The following ARHGAP6 variants were observed in gnomAD, a reference collection of about 807,000 sequenced individuals.
ARHGAP6 encodes Rho GTPase activating protein 6, also known as rho GTPase-activating protein 6.
Under a neutral mutation model 55.7 loss-of-function variants are expected in ARHGAP6, and 16 were observed. The observed-to-expected ratio is 0.29, with a 90% CI of 0.19 to 0.44. The LOEUF (loss-of-function observed/expected upper bound fraction) is 0.44. ARHGAP6 is among the 20% of genes least tolerant of loss of function. ARHGAP6 has a pLI of 1.00. For missense variants in ARHGAP6, 698 were observed against 808.9 expected (o/e 0.86, Z 1.66); for synonymous variants, 382 against 360.9 (o/e 1.06, Z -0.66).
intron 1 of ARHGAP6, among the ~76,000 whole-genome samples, chrX:11,310,772 C>T (rs1451644574): frequency 9.1e-6 from 1 of 110,012 alleles, no homozygotes; most frequent in African/African-American, 3.5e-5. Context: ...CATTCAGACC[C>T]TTCTTCTCAG....
intron 1 of ARHGAP6, among the ~76,000 whole-genome samples, chrX:11,311,247 T>C (rs1422576990): frequency 8.9e-6 from 1 of 112,310 alleles, no homozygotes; most frequent in Non-Finnish European, 1.9e-5. Context: ...CATTCTTATG[T>C]AATTTTATCA....
intron 2 of ARHGAP6, among the ~76,000 whole-genome samples, chrX:11,244,400 G>A (rs1304553497): frequency 1.8e-5 from 2 of 111,472 alleles, no homozygotes; most frequent in African/African-American, 6.5e-5. Flanking sequence ...TGGCCCATGA[G>A]CTTAGTTTGC....
intron 1 of ARHGAP6, among the ~76,000 whole-genome samples, chrX:11,502,496 T>G (rs2050689319): frequency 8.9e-6 from 1 of 111,969 alleles, no homozygotes; most frequent in South Asian, 3.7e-4. Context: ...TTTCATACAT[T>G]TATAAAATAC....
chrX:11,514,144 G>T (rs184795176), intron 1 of ARHGAP6, among the ~76,000 whole-genome samples: 1 of 66,282 alleles, frequency 1.5e-5, no homozygotes, highest in African/African-American at 6.3e-5. Flanking sequence ...CCTGGGTGAC[G>T]AAGTGAAACC....
chrX:11,425,188 G>T (rs745711490), intron 1 of ARHGAP6, among the ~76,000 whole-genome samples: 1 of 111,794 alleles, frequency 8.9e-6, no homozygotes, highest in East Asian at 2.8e-4. Context: ...GAGGCAGGAG[G>T]TATTAAGGAC....
At chrX:11,562,570 T>C (rs991088050) in intron 1 of ARHGAP6, among the ~76,000 whole-genome samples, 3 of 110,627 alleles carry the variant, frequency 2.7e-5, no homozygotes, top group Admixed American at 1.9e-4. Flanking sequence ...GAGGAAACTA[T>C]AAAACAAGGA....
chrX:11,656,141 C>T (rs1289167006), intron 1 of ARHGAP6, among the ~76,000 whole-genome samples: 1 of 112,405 alleles, frequency 8.9e-6, no homozygotes, highest in Non-Finnish European at 1.9e-5. Flanking sequence ...ATGGTAAAAT[C>T]CATATCATTA....
chrX:11,643,196 T>A (rs1400173064), intron 1 of ARHGAP6, among the ~76,000 whole-genome samples: 1 of 111,992 alleles, frequency 8.9e-6, no homozygotes, highest in East Asian at 2.8e-4. Flanking sequence ...TGTCTTCCCT[T>A]CTACAGTCTT....
intron 2 of ARHGAP6, among the ~76,000 whole-genome samples, chrX:11,239,955 T>C (rs1328055225): frequency 8.9e-6 from 1 of 111,963 alleles, no homozygotes; most frequent in African/African-American, 3.3e-5. Context: ...TCTTTGTGGC[T>C]TTCAAGCCAC....
chrX:11,310,160 C>CAAAAA (rs141903078), intron 1 of ARHGAP6, among the ~76,000 whole-genome samples: 1 of 48,074 alleles, frequency 2.1e-5, no homozygotes, highest in Non-Finnish European at 3.7e-5. Context: ...GACTCTATCT[C>CAAAAA]AAAAAAAAAA....
chrX:11,389,541 TCAGA>T lies in ARHGAP6; in HGVS notation c.589-134838_589-134835del, dbSNP rs757072495. ...TTGATTGTTGGAATTGAGTTTACAC[TCAGA>T]CAAATTGAGAGTCCTCTAAATGAAG... On this transcript the variant is annotated intron_variant, in intron 1 of 12. Transcript: ENST00000337414. Among the ~76,000 whole-genome samples the T allele has an allele frequency of 2.7e-5, 3 of 112,496 alleles. No individual in the cohort carries two copies. In the South Asian group the frequency reaches 1.1e-3, roughly 41 times the overall value.
In ARHGAP6 at chrX:11,158,857, A is replaced by C. The variant is rs1025324678; in HGVS notation, c.1810-2231T>G. 1.7e-4 allele frequency among the ~76,000 whole-genome samples: 19 copies of C among 112,448 alleles called. No individual in the cohort carries two copies. The Admixed American group carries it at 1.8e-3, about 11-fold the overall frequency. On this transcript the variant is annotated intron_variant, in intron 9 of 12. Transcript: ENST00000337414. ...CTGGGAATTCAGTTACAAACCAAAC[A>C]GACAATAATCCTTGTCTTCATGAAG...
intron 1 of ARHGAP6, among the ~76,000 whole-genome samples, chrX:11,338,651 C>T (rs762290110): frequency 1.8e-5 from 2 of 112,326 alleles, no homozygotes; most frequent in South Asian, 7.4e-4. Flanking sequence ...TTGCCAATAT[C>T]TTCTCACTTT....
chrX:11,476,464 C>A (rs1417519390), intron 1 of ARHGAP6, among the ~76,000 whole-genome samples: 1 of 111,596 alleles, frequency 9.0e-6, no homozygotes, highest in African/African-American at 3.2e-5. Context: ...TTCTTGCAGA[C>A]ATTATAAAAT....
chrX:11,440,685 A>G (rs1166243120), intron 1 of ARHGAP6, among the ~76,000 whole-genome samples: 1 of 112,011 alleles, frequency 8.9e-6, no homozygotes, highest in East Asian at 2.8e-4. Context: ...GTCTCCTCAA[A>G]GACAGGGCTG....
chrX:11,412,294 C>A (rs772510946), intron 1 of ARHGAP6, among the ~76,000 whole-genome samples: 2 of 111,628 alleles, frequency 1.8e-5, no homozygotes, highest in Non-Finnish European at 3.8e-5. Context: ...TAATTCTACC[C>A]TGCTCCATGA....
chrX:11,566,156 T>C (rs1255928180), intron 1 of ARHGAP6, among the ~76,000 whole-genome samples: 3 of 111,904 alleles, frequency 2.7e-5, no homozygotes, highest in African/African-American at 6.5e-5. Context: ...ATATGGACTA[T>C]AGTGTTCATG....
At chrX:11,210,526 T>C (rs1036303988) in intron 2 of ARHGAP6, among the ~76,000 whole-genome samples, 1 of 112,636 alleles carries the variant, frequency 8.9e-6, no homozygotes, top group African/African-American at 3.2e-5. Flanking sequence ...TCATTGTAGC[T>C]GAAAGGATTT....
intron 1 of ARHGAP6, among the ~76,000 whole-genome samples, chrX:11,362,985 G>A (rs761040639): frequency 1.8e-5 from 2 of 111,821 alleles, no homozygotes; most frequent in African/African-American, 3.3e-5. Flanking sequence ...CATATAAAAA[G>A]CACTGTTTCC....
Sources: gnomAD v4.1 joint callset for allele counts (sites outside exome capture counted in the v4.1 genomes callset) on GRCh38, gnomAD v4.1.1 for gene constraint, MANE v1.5 for transcripts, NCBI Gene and HGNC (gene_info 2026-07-23, HGNC 2026-07-21) for gene names.